Variants in STXBP5L observed in about 807,000 individuals in gnomAD.
STXBP5L encodes syntaxin binding protein 5L, also known as syntaxin-binding protein 5-like.
In STXBP5L, 65 loss-of-function variants were observed where a neutral mutation model predicts 144.5. The ratio of observed to expected loss-of-function variants is 0.45; its 90% CI spans 0.37 to 0.55. STXBP5L has a LOEUF of 0.55. Ranked by LOEUF, STXBP5L falls within the 20% of genes least tolerant of loss-of-function variation. The pLI is 0.00. For missense variants in STXBP5L, 1,298 were observed against 1,405.5 expected (o/e 0.92, Z 1.22); for synonymous variants, 505 against 469.6 (o/e 1.08, Z -0.97).
chr3:121,274,936 G>A (rs1214772851), intron 18 of STXBP5L, among the ~76,000 whole-genome samples: 1 of 152,140 alleles, frequency 6.6e-6, no homozygotes, highest in Admixed American at 6.5e-5. Flanking sequence ...TAAAAGCCCT[G>A]ACTTATAACC....
At chr3:121,121,409 C>G (rs1371800506) in intron 6 of STXBP5L, among the ~76,000 whole-genome samples, 1 of 151,176 alleles carries the variant, frequency 6.6e-6, no homozygotes, top group Non-Finnish European at 1.5e-5. Flanking sequence ...TTATTAGGAT[C>G]TTTGTGTTTT....
chr3:121,313,539 G>A (rs1293402662), intron 19 of STXBP5L, among the ~76,000 whole-genome samples: 1 of 35,270 alleles, frequency 2.8e-5, no homozygotes. Context: ...CCTCACTCCC[G>A]GACGGGGCGG....
intron 24 of STXBP5L, among the ~76,000 whole-genome samples, 175 bp from the exon 25 acceptor site, chr3:121,415,678 GGGGA>G (rs975193847): frequency 1.4e-4 from 22 of 152,256 alleles, no homozygotes; most frequent in African/African-American, 5.3e-4. Context: ...TACTATAGAA[GGGGA>G]GGAACAAAAG....
In STXBP5L at chr3:121,092,077, G is replaced by C. The variant is rs540917194; in HGVS notation, c.471-22848G>C. Among the ~76,000 whole-genome samples the C allele has an allele frequency of 3.3e-5, 5 of 152,246 alleles. No individual in the cohort carries two copies. In the South Asian group the frequency reaches 1.0e-3, roughly 32 times the overall value. ...TTTTTCTCGGGTTTGTCAAAGATCAGATAGTTGTAGATATGCAGCGTTATT... is the reference window on the plus strand; with the variant it reads ...TTTTTCTCGGGTTTGTCAAAGATCACATAGTTGTAGATATGCAGCGTTATT... On this transcript the variant is annotated intron_variant, in intron 5 of 26. Transcript: ENST00000471454.
intron 3 of STXBP5L, among the ~76,000 whole-genome samples, chr3:121,018,929 C>T (rs1012430883): frequency 1.3e-5 from 2 of 152,280 alleles, no homozygotes; most frequent in East Asian, 3.9e-4. Flanking sequence ...GCCAAGAAAC[C>T]GTGAGCCTGC....
intron 3 of STXBP5L, among the ~76,000 whole-genome samples, chr3:120,975,004 T>G (rs1343355156): frequency 6.6e-6 from 1 of 152,186 alleles, no homozygotes; most frequent in Non-Finnish European, 1.5e-5. Flanking sequence ...TCTTTTGGCT[T>G]AGGATTGACT....
At position 120,987,535 on chromosome 3, in the gene STXBP5L, G is replaced by A. The variant is rs541834915; in HGVS notation, c.287+32498G>A. Among the ~76,000 whole-genome samples the A allele has an allele frequency of 7.9e-5, 12 of 151,760 alleles. No homozygotes were observed. In the South Asian group the frequency reaches 2.1e-3, roughly 26 times the overall value. ...AGACTAGTCCTTTGTTGGATATATGGTTTTCATTTATTTTCTTTCATTTCT... is the reference window on the plus strand; with the variant it reads ...AGACTAGTCCTTTGTTGGATATATGATTTTCATTTATTTTCTTTCATTTCT... On this transcript the variant is annotated intron_variant, in intron 3 of 26. Transcript: ENST00000471454.
chr3:121,319,961 GATAATA>G (rs893885700), intron 20 of STXBP5L, among the ~76,000 whole-genome samples: 1 of 151,894 alleles, frequency 6.6e-6, no homozygotes, highest in Non-Finnish European at 1.5e-5. Flanking sequence ...CATTAAAGAT[GATAATA>G]ATAATAATTT....
intron 5 of STXBP5L, among the ~76,000 whole-genome samples, chr3:121,065,972 C>T (rs750825724): frequency 6.6e-6 from 1 of 152,156 alleles, no homozygotes; most frequent in Non-Finnish European, 1.5e-5. Flanking sequence ...AGCCAGCTCA[C>T]AACAGAGCAG....
At chr3:121,098,745 G>T (rs1253232359) in intron 5 of STXBP5L, among the ~76,000 whole-genome samples, 1 of 152,170 alleles carries the variant, frequency 6.6e-6, no homozygotes, top group East Asian at 1.9e-4. Flanking sequence ...GGGTCCTCCT[G>T]ATGTGGCCAG....
chr3:120,943,854 T>C (rs1259140237), intron 2 of STXBP5L, among the ~76,000 whole-genome samples: 1 of 151,310 alleles, frequency 6.6e-6, no homozygotes, highest in Admixed American at 6.6e-5. Flanking sequence ...GGATCATTAG[T>C]ATCTTATATA....
chr3:121,049,088 G>T (rs954194509), intron 5 of STXBP5L, among the ~76,000 whole-genome samples: 1 of 151,952 alleles, frequency 6.6e-6, no homozygotes, highest in Non-Finnish European at 1.5e-5. Context: ...CTAGGTAGGG[G>T]GTGGCTAGAG....
chr3:121,157,904 G>C (rs1025939798), intron 9 of STXBP5L: 4 of 307,456 alleles, frequency 1.3e-5, no homozygotes, highest in Admixed American at 5.6e-5. Context: ...ATCTGGGGCA[G>C]AGGAGATAAT....
intron 20 of STXBP5L, among the ~76,000 whole-genome samples, chr3:121,344,743 G>C (rs748599100): frequency 2.6e-5 from 4 of 151,760 alleles, no homozygotes; most frequent in Non-Finnish European, 5.9e-5. Flanking sequence ...GGTGAATTTA[G>C]AGCAAAGAGA....
At chr3:120,969,681 A>T (rs1010615482) in intron 3 of STXBP5L, among the ~76,000 whole-genome samples, 4 of 151,990 alleles carry the variant, frequency 2.6e-5, no homozygotes, top group Admixed American at 1.3e-4. Flanking sequence ...TTCAGGTCTT[A>T]TATTTAAGTC....
chr3:121,021,005 A>T (rs1050851575), intron 3 of STXBP5L, among the ~76,000 whole-genome samples: 1 of 152,120 alleles, frequency 6.6e-6, no homozygotes, highest in Admixed American at 6.5e-5. Context: ...CCAACCAAGT[A>T]TCTGCTGTCT....
At chr3:120,980,209 T>C (rs993961969) in intron 3 of STXBP5L, among the ~76,000 whole-genome samples, 2 of 152,200 alleles carry the variant, frequency 1.3e-5, no homozygotes, top group Non-Finnish European at 2.9e-5. Flanking sequence ...TTGGCTAGAA[T>C]GTTTTGTAAA....
intron 7 of STXBP5L, among the ~76,000 whole-genome samples, chr3:121,130,506 A>T (rs2044933529): frequency 6.6e-6 from 1 of 152,086 alleles, no homozygotes; most frequent in African/African-American, 2.4e-5. Context: ...TACATATATA[A>T]TCTTATGGGA....
chr3:120,952,617 T>C (rs1398389781), intron 2 of STXBP5L, among the ~76,000 whole-genome samples: 1 of 152,084 alleles, frequency 6.6e-6, no homozygotes, highest in Admixed American at 6.6e-5. Flanking sequence ...TCAAGACATT[T>C]ATCTTCATAA....
Sources: gnomAD v4.1 joint callset for allele counts (sites outside exome capture counted in the v4.1 genomes callset) on GRCh38, gnomAD v4.1.1 for gene constraint, MANE v1.5 for transcripts, NCBI Gene and HGNC (gene_info 2026-07-23, HGNC 2026-07-21) for gene names.